UGT1A10: variants seen among roughly 807,000 people sequenced by gnomAD.
UGT1A10 encodes UDP glucuronosyltransferase family 1 member A10.
Under a neutral mutation model 45.8 loss-of-function variants are expected in UGT1A10, and 49 were observed. The observed-to-expected ratio is 1.07, with a 90% CI of 0.85 to 1.36. The LOEUF is 1.36. UGT1A10 is among the 40% of genes most tolerant of loss of function. UGT1A10 has a pLI of 0.00. For synonymous variants in UGT1A10, 284 were observed against 249.7 expected, an observed-to-expected ratio of 1.14 and a Z score of -1.29; for missense variants, 745 against 668.6, an observed-to-expected ratio of 1.11 and a Z score of -1.26.
At chr2:233,685,220 A>G (rs1254045639) in intron 1 of UGT1A10, among the ~76,000 whole-genome samples, 1 of 152,114 alleles carries the variant, frequency 6.6e-6, no homozygotes, top group Non-Finnish European at 1.5e-5. Flanking sequence ...TTTAATAGAG[A>G]CGGGGTTTCA....
chr2:233,750,975 G>A (rs1468208410), intron 1 of UGT1A10, among the ~76,000 whole-genome samples: 2 of 151,842 alleles, frequency 1.3e-5, no homozygotes, highest in African/African-American at 2.4e-5. Flanking sequence ...GCCTAGTGGA[G>A]TTGTGAGAAG....
intron 1 of UGT1A10, among the ~76,000 whole-genome samples, chr2:233,718,542 G>C (rs2076661859): frequency 6.6e-6 from 1 of 152,234 alleles, no homozygotes. Flanking sequence ...GTTGGGAATT[G>C]AATGAGAAAG....
chr2:233,748,732 T>A (rs1233122564), intron 1 of UGT1A10, among the ~76,000 whole-genome samples: 1 of 151,606 alleles, frequency 6.6e-6, no homozygotes, highest in East Asian at 1.9e-4. Context: ...TGTGGGGACA[T>A]CTCAGAGTTC....
At chr2:233,718,727 A>G in intron 1 of UGT1A10, 1 of 1,610,864 alleles carries the variant, frequency 6.2e-7, no homozygotes, top group Non-Finnish European at 8.5e-7. Context: ...CTGATTTGCT[A>G]GGTGGCTCAA....
chr2:233,684,024 A>C (rs1575432066), intron 1 of UGT1A10, among the ~76,000 whole-genome samples: 1 of 152,224 alleles, frequency 6.6e-6, no homozygotes, highest in Non-Finnish European at 1.5e-5. Context: ...TGGCAAATGC[A>C]TAGTTGCTAA....
intron 1 of UGT1A10, among the ~76,000 whole-genome samples, chr2:233,737,541 G>A (rs576280713): frequency 6.6e-6 from 1 of 152,104 alleles, no homozygotes; most frequent in African/African-American, 2.4e-5. Flanking sequence ...GCCCTGCTTC[G>A]GCTTGCCCTC....
intron 1 of UGT1A10, among the ~76,000 whole-genome samples, chr2:233,705,827 C>T (rs757797853): frequency 6.6e-6 from 1 of 152,164 alleles, no homozygotes; most frequent in Non-Finnish European, 1.5e-5. Flanking sequence ...AGGCCGAGCA[C>T]AGTGGCTGGA....
rs73999011 is a variant in UGT1A10, at chr2:233,757,577, C to G, written c.856-9457C>G. 5.1e-3 allele frequency among the ~76,000 whole-genome samples: 424 copies of G among 82,900 alleles called. 2 individuals are homozygous for G. Among genetic ancestry groups the G allele is most frequent in the African/African-American group, 0.022 (407 of 18,728 alleles). The allele number at this position is 82,900 out of a possible 152,430, so 54.4% of individuals were successfully genotyped here. On this transcript the variant is annotated intron_variant, in intron 1 of 4. Transcript: ENST00000344644. ...ATATATATATGTATATATGATATAGCTATAGTCTAATAGCAAGGACAGATA... is the reference window on the plus strand; with the variant it reads ...ATATATATATGTATATATGATATAGGTATAGTCTAATAGCAAGGACAGATA...
chr2:233,721,721 C>T (rs2076966179), intron 1 of UGT1A10: 1 of 393,114 alleles, frequency 2.5e-6, no homozygotes. Flanking sequence ...GCTTTGTTTA[C>T]TTGGATAAGC....
intron 1 of UGT1A10, chr2:233,747,091 T>G (rs1693559747): frequency 8.0e-7 from 1 of 1,256,442 alleles, no homozygotes. Context: ...AGGAGAGCAC[T>G]CTATCTTCCA....
chr2:233,655,593 G>A (rs1279383409), intron 1 of UGT1A10, among the ~76,000 whole-genome samples: 1 of 152,102 alleles, frequency 6.6e-6, no homozygotes, highest in African/African-American at 2.4e-5. Context: ...TAGAAAGAAG[G>A]GAAACTGTCT....
At chr2:233,749,646 T>C (rs1395564636) in intron 1 of UGT1A10, among the ~76,000 whole-genome samples, 1 of 151,888 alleles carries the variant, frequency 6.6e-6, no homozygotes, top group Non-Finnish European at 1.5e-5. Flanking sequence ...AAATCTCATC[T>C]TGAATTGTAA....
intron 1 of UGT1A10, among the ~76,000 whole-genome samples, chr2:233,639,776 T>C (rs2073400308): frequency 6.6e-6 from 1 of 152,206 alleles, no homozygotes. Flanking sequence ...AATTTCAACA[T>C]GGGATTTGGA....
At chr2:233,682,872 C>T (rs1348712274) in intron 1 of UGT1A10, 1 of 1,521,250 alleles carries the variant, frequency 6.6e-7, no homozygotes, top group South Asian at 1.3e-5. Context: ...CATAATTTAT[C>T]ATTTACATTT....
chr2:233,675,679 G>A (rs967744533), intron 1 of UGT1A10, among the ~76,000 whole-genome samples: 5 of 152,032 alleles, frequency 3.3e-5, no homozygotes, highest in African/African-American at 9.7e-5. Context: ...TCAGTGTAAT[G>A]AGCACCCACT....
chr2:233,707,852 A>G (rs917969840), intron 1 of UGT1A10, among the ~76,000 whole-genome samples: 14 of 152,114 alleles, frequency 9.2e-5, no homozygotes, highest in African/African-American at 1.4e-4. Flanking sequence ...TATTTTTCAG[A>G]GTGGTTGTAC....
intron 1 of UGT1A10, among the ~76,000 whole-genome samples, chr2:233,762,105 C>G (rs879435361): frequency 5.9e-5 from 9 of 151,972 alleles, no homozygotes; most frequent in African/African-American, 2.2e-4. Context: ...GTTGATTGTC[C>G]GCTTCACATC....
rs45621441 is a variant in UGT1A10, at chr2:233,719,022, C to T, written c.856-48012C>T. On this transcript the variant is annotated intron_variant, in intron 1 of 4. Transcript: ENST00000344644. ...GGTCCTCACCCCAGAGGTGAATATG[C>T]ACATCAAAGAAGAGAAATTTTTCAC... 2,685 of 1,614,218 alleles carry T rather than the reference C, an allele frequency of 1.7e-3. 14 individuals are homozygous for T. The highest frequency in any genetic ancestry group is 3.6e-3 in the Middle Eastern group (22 of 6,062).
At chr2:233,637,500 C>T in intron 1 of UGT1A10, 123 bp downstream of exon 1, 1 of 1,488,600 alleles carries the variant, frequency 6.7e-7, no homozygotes, top group South Asian at 1.4e-5. Context: ...TCCAGTTTAA[C>T]AAATTATTTT....
Sources: gnomAD v4.1 joint callset for allele counts (sites outside exome capture counted in the v4.1 genomes callset) on GRCh38, gnomAD v4.1.1 for gene constraint, MANE v1.5 for transcripts, NCBI Gene and HGNC (gene_info 2026-07-23, HGNC 2026-07-21) for gene names.